The following PPP2R2B variants were observed in gnomAD, a reference collection of about 807,000 sequenced individuals.
PPP2R2B encodes the protein protein phosphatase 2 regulatory subunit Bbeta, also known as serine/threonine-protein phosphatase 2A 55 kDa regulatory subunit B beta isoform.
In PPP2R2B, 5 loss-of-function variants were observed where a neutral mutation model predicts 46.0. The observed-to-expected ratio is 0.11, with a 90% CI of 0.06 to 0.23. The LOEUF is 0.23. Among genes scored for constraint, PPP2R2B ranks in the 10% least tolerant of loss-of-function variants. PPP2R2B has a pLI of 1.00. For missense variants in PPP2R2B, 367 were observed against 575.0 expected (o/e 0.64, Z 3.70); for synonymous variants, 215 against 206.7 (o/e 1.04, Z -0.34).
chr5:146,706,711 C>T (rs1213875834), intron 2 of PPP2R2B: 4 of 863,088 alleles, frequency 4.6e-6, no homozygotes, highest in Non-Finnish European at 7.9e-6. Context: ...TCAGAGATCT[C>T]AGTCTTTGTA....
intron 2 of PPP2R2B, among the ~76,000 whole-genome samples, chr5:146,769,511 C>T (rs1270691138): frequency 1.3e-5 from 2 of 152,156 alleles, no homozygotes; most frequent in Non-Finnish European, 2.9e-5. Flanking sequence ...GATTTGCAAG[C>T]ACTGTAAGGA....
intron 2 of PPP2R2B, among the ~76,000 whole-genome samples, chr5:146,838,577 A>AG (rs1374421589): frequency 6.6e-6 from 1 of 151,640 alleles, no homozygotes; most frequent in East Asian, 1.9e-4. Context: ...TCTCAAAAAA[A>AG]AAAAAAAGAA....
chr5:146,836,682 A>G (rs1759302427), intron 2 of PPP2R2B, among the ~76,000 whole-genome samples: 1 of 152,238 alleles, frequency 6.6e-6, no homozygotes, highest in Non-Finnish European at 1.5e-5. Context: ...TGGGACTCTG[A>G]GAACTGTTCT....
chr5:146,625,232 T>G (rs941057810), intron 7 of PPP2R2B, among the ~76,000 whole-genome samples: 1 of 152,240 alleles, frequency 6.6e-6, no homozygotes, highest in African/African-American at 2.4e-5. Context: ...TTTATTGCCA[T>G]TTTCCCACTT....
chr5:146,878,629 C>A lies in PPP2R2B; in HGVS notation c.-163G>T. The A allele has an allele frequency of 1.6e-6, 2 of 1,247,270 alleles. No homozygotes were observed. The highest frequency in any genetic ancestry group is 2.1e-6 in the Non-Finnish European group (2 of 968,086). 77.3% of individuals were successfully genotyped at this position (1,247,270 alleles called of 1,614,324 possible). On this transcript the variant is annotated 5_prime_UTR_variant, in exon 1 of 10. Coordinates refer to ENST00000394411, the MANE Select transcript of PPP2R2B (RefSeq NM_181675.4). The surrounding 1 kb of genome is among the most constrained non-coding windows in gnomAD (Gnocchi z 4.5). ...GGGTGCTGGTCCCACGGGAGGGCGG[C>A]TCCGGCAGGCGGGGGTAGGGAAGCT...
intron 2 of PPP2R2B, among the ~76,000 whole-genome samples, chr5:146,760,502 A>C (rs995815270): frequency 5.3e-5 from 8 of 152,182 alleles, no homozygotes; most frequent in Admixed American, 3.9e-4. Flanking sequence ...AAAGACAGGC[A>C]AGATACCCAA....
At chr5:146,998,006 C>A (rs1418093479) in intron 1 of PPP2R2B, among the ~76,000 whole-genome samples, 1 of 152,130 alleles carries the variant, frequency 6.6e-6, no homozygotes, top group Non-Finnish European at 1.5e-5. Flanking sequence ...TCTAGGGAAA[C>A]AAAGAGGGGT....
intron 2 of PPP2R2B, chr5:146,706,724 A>G: frequency 1.2e-6 from 1 of 829,296 alleles, no homozygotes; most frequent in Non-Finnish European, 2.1e-6. Context: ...TCTTTGTAAG[A>G]CGCAGGTCTT....
At chr5:146,658,026 T>C (rs1217933717) in intron 5 of PPP2R2B, among the ~76,000 whole-genome samples, 1 of 152,318 alleles carries the variant, frequency 6.6e-6, no homozygotes, top group East Asian at 1.9e-4. Context: ...TACTACATGC[T>C]GAGAAGTTGC....
intron 2 of PPP2R2B, among the ~76,000 whole-genome samples, chr5:146,753,180 T>C (rs377013149): frequency 4.6e-5 from 7 of 152,254 alleles, no homozygotes; most frequent in African/African-American, 1.7e-4. Flanking sequence ...TCATGACACA[T>C]GTGGGTAAAA....
chr5:146,926,729 G>C (rs1356279092), intron 1 of PPP2R2B, among the ~76,000 whole-genome samples: 1 of 152,138 alleles, frequency 6.6e-6, no homozygotes, highest in Non-Finnish European at 1.5e-5. Flanking sequence ...AAGCTCCCCT[G>C]AGTCTGATAT....
At chr5:146,719,693 G>C (rs1780683779) in intron 2 of PPP2R2B, among the ~76,000 whole-genome samples, 1 of 152,122 alleles carries the variant, frequency 6.6e-6, no homozygotes, top group Non-Finnish European at 1.5e-5. Flanking sequence ...GAGGATACCA[G>C]TTGGAGTGGA....
At chr5:146,777,424 CAT>C (rs1173523701) in intron 2 of PPP2R2B, among the ~76,000 whole-genome samples, 1 of 151,968 alleles carries the variant, frequency 6.6e-6, no homozygotes, top group Non-Finnish European at 1.5e-5. Flanking sequence ...TAGGCAAACT[CAT>C]AGAGATAGAA....
At chr5:146,646,098 GTT>G (rs1434487955) in intron 6 of PPP2R2B, among the ~76,000 whole-genome samples, 3 of 152,150 alleles carry the variant, frequency 2.0e-5, no homozygotes, top group Non-Finnish European at 2.9e-5. Context: ...AATTATCTCA[GTT>G]TGTAATTATA....
rs74723097 is a variant in PPP2R2B at position 146,922,815 on chromosome 5, G to A, written c.79+132850C>T. 5.6e-3 allele frequency among the ~76,000 whole-genome samples: 857 copies of A among 152,226 alleles called. 28 individuals are homozygous for A. The East Asian group carries it at 0.067, about 12-fold the overall frequency. On this transcript the variant is annotated intron_variant, in intron 1 of 8. Transcript: ENST00000336640. ...AAATCAGAAGACTCAGTTCAGGCCA[G>A]TGAGAAACAAGGAGGTGTTTGCTGG...
At chr5:146,687,130 G>A (rs62375671) in intron 5 of PPP2R2B, among the ~76,000 whole-genome samples, 4,013 of 151,690 alleles carry the variant, frequency 0.026, 85 homozygotes, top group South Asian at 0.058. Context: ...GCGATTGATC[G>A]ATTAATCCCC....
chr5:146,924,448 G>C (rs1197428650), intron 1 of PPP2R2B, among the ~76,000 whole-genome samples: 1 of 152,128 alleles, frequency 6.6e-6, no homozygotes, highest in Non-Finnish European at 1.5e-5. Flanking sequence ...GATTGTGAAG[G>C]ATGGGCCCTT....
At chr5:146,995,905 C>T (rs1035900002) in intron 1 of PPP2R2B, among the ~76,000 whole-genome samples, 5 of 152,266 alleles carry the variant, frequency 3.3e-5, no homozygotes, top group African/African-American at 1.2e-4. Context: ...GGTTTTCAAA[C>T]CAGCAATATA....
chr5:146,851,528 C>A (rs1670830462), intron 2 of PPP2R2B, among the ~76,000 whole-genome samples: 2 of 152,084 alleles, frequency 1.3e-5, no homozygotes, highest in Non-Finnish European at 1.5e-5. Context: ...ACTGGGATAA[C>A]CTGCATCATT....
Sources: allele counts gnomAD v4.1 joint callset (sites outside exome capture counted in the v4.1 genomes callset), GRCh38; gene constraint gnomAD v4.1.1; non-coding constraint Gnocchi (gnomAD v3.1); transcripts MANE v1.5; gene names NCBI Gene and HGNC (gene_info 2026-07-23, HGNC 2026-07-21).